Variants in ZC3H4 observed in about 807,000 individuals in gnomAD.
ZC3H4 encodes the protein zinc finger CCCH-type containing 4.
In ZC3H4, 13 loss-of-function variants were observed where a neutral mutation model predicts 108.3. That is an observed-to-expected ratio of 0.12 (90% confidence interval 0.08 to 0.19). The LOEUF (loss-of-function observed/expected upper bound fraction) is 0.19, where lower values mean the gene tolerates loss of function less well. Ranked by LOEUF, ZC3H4 falls within the 10% of genes least tolerant of loss-of-function variation. The probability of loss-of-function intolerance (pLI) is 1.00; values close to 1 mark genes in which losing one functional copy is unlikely to be tolerated. For missense variants in ZC3H4, 1,734 were observed against 1,838.8 expected (o/e 0.94, Z 1.04); for synonymous variants, 917 against 749.6 (o/e 1.22, Z -3.65).
At chr19:47,112,013 G>A (rs1007879518) in intron 2 of ZC3H4, 2 of 598,362 alleles carry the variant, frequency 3.3e-6, no homozygotes, top group African/African-American at 2.0e-5. Flanking sequence ...CAGGCGACGG[G>A]CAAGCGGGCC....
In ZC3H4 at chr19:47,067,532, G is replaced by A. The variant is rs1307845704; in HGVS notation, c.2736C>T (p.Pro912=). ...GCGGCCCAGACCCCTTGGAACTGCTGGGGCCCACAGGGCTGGAATGAAGGC... is the reference window on the plus strand; with the variant it reads ...GCGGCCCAGACCCCTTGGAACTGCTAGGGCCCACAGGGCTGGAATGAAGGC... ...EGSLHSSPVG[P]SSSKGSGPPP... is the part of the protein sequence containing the mutation. Residue 912 remains proline, a synonymous_variant, in exon 15 of 15, where the codon CCC becomes CCT. Transcript: ENST00000253048. The surrounding 1 kb of genome is among the most constrained non-coding windows in gnomAD (Gnocchi z 6.4). 1.9e-6 allele frequency: 3 copies of A among 1,596,878 alleles called. No individual in the cohort carries two copies. Among genetic ancestry groups the A allele is most frequent in the Non-Finnish European group, 2.6e-6 (3 of 1,171,688 alleles).
chr19:47,066,723 G>A lies in ZC3H4; in HGVS notation c.3545C>T (p.Ala1182Val), dbSNP rs1199549741. Reference protein sequence around the residue: ...KGAEGNGKSSASKAKEPPFVR... With the variant: ...KGAEGNGKSSVSKAKEPPFVR... ...GAACGGGGGCTCCTTAGCCTTGGAGGCCGAGCTCTTGCCATTGCCCTCAGC... is the reference window on the plus strand; with the variant it reads ...GAACGGGGGCTCCTTAGCCTTGGAGACCGAGCTCTTGCCATTGCCCTCAGC... The change falls in exon 15 of 15, where the codon GCC (alanine) becomes GTC (valine). Residue 1182 changes from alanine (A) to valine (V), a missense_variant. Transcript: ENST00000253048. The A allele has an allele frequency of 3.1e-6, 5 of 1,607,286 alleles. No homozygotes were observed. The South Asian group carries it at 4.4e-5, about 14-fold the overall frequency.
intron 11 of ZC3H4, among the ~76,000 whole-genome samples, chr19:47,078,554 G>A (rs1384651340): frequency 1.3e-5 from 2 of 151,736 alleles, no homozygotes; most frequent in East Asian, 2.0e-4. Flanking sequence ...AGGCCGGGGC[G>A]GGTGGATCAC....
intron 2 of ZC3H4, among the ~76,000 whole-genome samples, chr19:47,095,218 A>G (rs1201091192): frequency 6.6e-6 from 1 of 152,200 alleles, no homozygotes; most frequent in African/African-American, 2.4e-5. Flanking sequence ...GTTCTGAACC[A>G]GGGGTGGCCC....
chr19:47,090,601 C>T (rs1047848715), intron 4 of ZC3H4, among the ~76,000 whole-genome samples: 1 of 152,176 alleles, frequency 6.6e-6, no homozygotes, highest in Non-Finnish European at 1.5e-5. Context: ...GGCTGGACAG[C>T]CATCTCAAAT....
In ZC3H4 at chr19:47,089,916, GC is replaced by G. The variant is rs2057700561; in HGVS notation, c.715+50del. The G allele has an allele frequency of 3.1e-6, 5 of 1,598,394 alleles. No individual in the cohort carries two copies. In the East Asian group the frequency reaches 1.1e-4, roughly 36 times the overall value. On this transcript the variant is annotated intron_variant, in intron 5 of 14. Transcript: ENST00000253048. The stretch of plus-strand genomic sequence containing the variant: ...CTGTGAGACCAGGCCACCGGGGTTG[GC>G]CCGGGTGGCTCCGATGCCCCAGAGG...
In ZC3H4 at chr19:47,066,547, C is replaced by T; in HGVS notation, c.3721G>A (p.Ala1241Thr). 1.3e-6 allele frequency: 2 copies of T among 1,570,540 alleles called. No individual in the cohort carries two copies. The highest frequency in any genetic ancestry group is 1.7e-6 in the Non-Finnish European group (2 of 1,157,988). Residue 1241 changes from alanine (A) to threonine (T), a missense_variant, in exon 15 of 15, where the codon GCC becomes ACC. Physicochemically the swap from Ala to Thr is moderately conservative, Grantham distance 58. Transcript: ENST00000253048. ...TTGTGCACCCCGGGCTGGGGTGGGG[C>T]ACCCTCGGGGGGTGGGGTGGCGGTG... Reference protein sequence around the residue: ...ATTATPPPEGAPPQPGVHNLP... With the variant: ...ATTATPPPEGTPPQPGVHNLP...
chr19:47,107,675 G>GT (rs2057984835), intron 2 of ZC3H4, among the ~76,000 whole-genome samples: 1 of 146,106 alleles, frequency 6.8e-6, no homozygotes, highest in Non-Finnish European at 1.5e-5. Context: ...AAAAAAAAAA[G>GT]TAACAGGACA....
At position 47,093,927 on chromosome 19, in the gene ZC3H4, T is replaced by G. The variant is rs746508392; in HGVS notation, c.492+43A>C. ...GCTCAAGAAACACAAGCAGTTGAACTCCTCCCGGCCCCAGAGCTCAGCAGT... is the reference window on the plus strand; with the variant it reads ...GCTCAAGAAACACAAGCAGTTGAACGCCTCCCGGCCCCAGAGCTCAGCAGT... On this transcript the variant is annotated intron_variant, in intron 4 of 14. Transcript: ENST00000253048. 6 of 1,554,428 alleles carry G rather than the reference T, an allele frequency of 3.9e-6. No homozygotes were observed. In the East Asian group the frequency reaches 1.4e-4, roughly 35 times the overall value.
rs187401216 is a variant in ZC3H4, at chr19:47,096,628, C to T, written c.162-2020G>A. Among the ~76,000 whole-genome samples the T allele has an allele frequency of 4.4e-4, 67 of 152,274 alleles. No individual in the cohort carries two copies. The East Asian group carries it at 9.6e-3, about 22-fold the overall frequency. On this transcript the variant is annotated intron_variant, in intron 2 of 14. Coordinates refer to ENST00000253048, the MANE Select transcript of ZC3H4 (RefSeq NM_015168.2). ...GAAAGGGAGAGACGGACAGACTGAG[C>T]GGGAGAAGGCCCGGGACAGACTGGA...
chr19:47,098,395 C>A (rs1455974174), intron 2 of ZC3H4, among the ~76,000 whole-genome samples: 1 of 147,756 alleles, frequency 6.8e-6, no homozygotes, highest in Non-Finnish European at 1.5e-5. Context: ...GAGGCTGAGG[C>A]ACAAGAACTT....
intron 11 of ZC3H4, among the ~76,000 whole-genome samples, chr19:47,079,852 A>G (rs1312949413): frequency 6.6e-6 from 1 of 152,114 alleles, no homozygotes; most frequent in African/African-American, 2.4e-5. Flanking sequence ...GTGCCACTGC[A>G]CTCCAGCCTG....
Position 47,072,732 on chromosome 19 carries a change from A to G in ZC3H4, c.1441-19T>C. 3.7e-6 allele frequency: 6 copies of G among 1,612,460 alleles called. No individual in the cohort carries two copies. Among genetic ancestry groups the G allele is most frequent in the Non-Finnish European group, 5.1e-6 (6 of 1,179,894 alleles). ...CCAACATCTGCGGGTGTGAAAGAAC[A>G]AAAGAAGGTGTGGACGGGGTCAGGA... On this transcript the variant is annotated intron_variant, in intron 11 of 14. Transcript: ENST00000253048. This position sits in a 1 kb window ranked among gnomAD's most constrained non-coding sequence, Gnocchi z 5.6.
At chr19:47,096,764 A>G in intron 2 of ZC3H4, 1 of 980,390 alleles carries the variant, frequency 1.0e-6, no homozygotes, top group South Asian at 4.7e-5. Context: ...CAGGCCACTA[A>G]TATTTTAAAT....
In ZC3H4 at chr19:47,066,837, C is replaced by T; in HGVS notation, c.3431G>A (p.Ser1144Asn). ...GGGGGQSSVL[S>N]GISLYDPRTP... is the part of the protein sequence containing the mutation. ...CCTCGGGTCGTAGAGGCTGATACCG[C>T]TCAGCACACTGCTCTGCCCGCCCCC... Residue 1144 changes from serine (S) to asparagine (N), a missense_variant, in exon 15 of 15, where the codon AGC becomes AAC. By Grantham distance (46) the Ser-to-Asn change is conservative. Transcript: ENST00000253048. 1.3e-6 allele frequency: 2 copies of T among 1,599,710 alleles called. No homozygotes were observed. The highest frequency in any genetic ancestry group is 1.7e-6 in the Non-Finnish European group (2 of 1,179,368).
At chr19:47,085,440 G>A in intron 6 of ZC3H4, 26 bp from the exon 7 acceptor site, 1 of 1,539,458 alleles carries the variant, frequency 6.5e-7, no homozygotes, top group Non-Finnish European at 8.7e-7. Context: ...GAGAGGGCAG[G>A]AGAGCGTCAG....
In ZC3H4 at chr19:47,071,815, C is replaced by T. The variant is rs755250403; in HGVS notation, c.2109G>A (p.Glu703=). Residue 703 remains glutamate, a synonymous_variant, in exon 13 of 15, where the codon GAG becomes GAA. Transcript: ENST00000253048. ...NFYENFYQQQ[E]GMEMEPGLLG... is the part of the protein sequence containing the mutation. ...GGAGTCCGGGCTCCATCTCCATGCC[C>T]TCCTGCTGCTGGTAGAAGTTTTCAT... is the stretch of plus-strand genomic sequence containing the variant. 2 of 1,613,342 alleles carry T rather than the reference C, an allele frequency of 1.2e-6. No individual in the cohort carries two copies. The highest frequency in any genetic ancestry group is 1.7e-5 in the Admixed American group (1 of 59,896).
rs1249095687 is a variant in ZC3H4, at chr19:47,112,607, T to C, written c.-5-18A>G. ...CATAGTTCCTTTGGGGGGGAGGGGA[T>C]GTTAATGCACGAAAAAGGACTGCTT... On this transcript the variant is annotated intron_variant, in intron 1 of 14. Coordinates refer to ENST00000253048, the MANE Select transcript of ZC3H4 (RefSeq NM_015168.2). 1.6e-6 allele frequency: 2 copies of C among 1,212,556 alleles called. No homozygotes were observed. The highest frequency in any genetic ancestry group is 3.2e-5 in the East Asian group (1 of 31,540). The allele number at this position is 1,212,556 out of a possible 1,614,324, so 75.1% of individuals were successfully genotyped here. A position where few individuals can be genotyped will look rare whatever the true frequency, so the allele number is the denominator to read the frequency against.
At chr19:47,086,567 C>T in intron 5 of ZC3H4, 29 bp from the exon 6 acceptor site, 2 of 1,550,304 alleles carry the variant, frequency 1.3e-6, no homozygotes, top group Non-Finnish European at 8.6e-7. Context: ...AGTGAGCCTC[C>T]AGCAGGAGCA....
Sources: gnomAD v4.1 joint callset for allele counts (sites outside exome capture counted in the v4.1 genomes callset) on GRCh38, gnomAD v4.1.1 for gene constraint, Gnocchi (gnomAD v3.1) non-coding constraint, MANE v1.5 for transcripts, NCBI Gene and HGNC (gene_info 2026-07-23, HGNC 2026-07-21) for gene names.